The following TRMT2B variants were observed in gnomAD, a reference collection of about 807,000 sequenced individuals.
TRMT2B encodes the protein tRNA methyltransferase 2B, also known as tRNA (uracil-5-)-methyltransferase homolog B.
Under a neutral mutation model 39.7 loss-of-function variants are expected in TRMT2B, and 34 were observed. The observed-to-expected ratio is 0.86, with a 90% CI of 0.65 to 1.14. TRMT2B has a LOEUF of 1.14. Ranked by LOEUF, TRMT2B falls within the 50% of genes most tolerant of loss-of-function variation. The probability of loss-of-function intolerance (pLI) is 0.00; values close to 1 mark genes in which losing one functional copy is unlikely to be tolerated. For synonymous variants in TRMT2B, 132 were observed against 137.3 expected, an observed-to-expected ratio of 0.96 and a Z score of 0.27; for missense variants, 318 against 377.2, an observed-to-expected ratio of 0.84 and a Z score of 1.30.
At chrX:101,036,496 T>C (rs1307760286) in intron 6 of TRMT2B, among the ~76,000 whole-genome samples, 7 of 104,020 alleles carry the variant, frequency 6.7e-5, no homozygotes, top group African/African-American at 2.5e-4. Context: ...AAGGGATAAC[T>C]GAAAGTAAGT....
In TRMT2B at chrX:101,051,924, A is replaced by G. The variant is rs2089123500; in HGVS notation, c.-614T>C. On this transcript the variant is annotated 5_prime_UTR_variant, in exon 1 of 14. Transcript: ENST00000372936. ...TCTACTCCCGCCGCACGCGCAGCCA[A>G]CCCTTGGCAAGCGCGGCGGGACACG... 1 of 127,326 alleles carries G rather than the reference A, an allele frequency of 7.9e-6. No homozygotes were observed. The highest frequency in any genetic ancestry group is 9.5e-5 in the Admixed American group (1 of 10,569). The allele number at this position is 127,326 out of a possible 1,213,427, so 10.5% of individuals were successfully genotyped here.
chrX:101,010,544 G>A lies in TRMT2B; in HGVS notation c.*37C>T, dbSNP rs374018041. On this transcript the variant is annotated 3_prime_UTR_variant, in exon 14 of 14. Coordinates refer to ENST00000372936, the MANE Select transcript of TRMT2B (RefSeq NM_024917.6). ...AAACCTGAAAGTTTCTGAAACTTCA[G>A]CCTTAACAAATAGCCTGCTGTCTTC... is the stretch of plus-strand genomic sequence containing the variant. 3.0e-5 allele frequency: 36 copies of A among 1,203,719 alleles called. No individual in the cohort carries two copies. In the African/African-American group the frequency reaches 5.3e-4, roughly 18 times the overall value.
chrX:101,011,800 G>A (rs766071966), intron 13 of TRMT2B, among the ~76,000 whole-genome samples: 4 of 111,308 alleles, frequency 3.6e-5, no homozygotes, highest in Admixed American at 1.9e-4. Context: ...AGGCTGAGGC[G>A]GGAGGATGTC....
chrX:101,039,078 T>G (rs74333912), intron 4 of TRMT2B, among the ~76,000 whole-genome samples: 19,676 of 107,330 alleles, frequency 0.18, 1,426 homozygotes, highest in Non-Finnish European at 0.21. Context: ...TATTTTTTTG[T>G]TTTTTTTTGA....
chrX:101,022,801 T>TATAAAAAATAAAA (rs2086867644), intron 8 of TRMT2B, among the ~76,000 whole-genome samples: 1 of 110,644 alleles, frequency 9.0e-6, no homozygotes, highest in Non-Finnish European at 1.9e-5. Flanking sequence ...TGTCTCAAAA[T>TATAAAAAATAAAA]ATAAAAAATA....
rs967477903 is a variant in TRMT2B at position 101,011,139 on chromosome X, C to T, written c.1389-432G>A. Among the ~76,000 whole-genome samples the T allele has an allele frequency of 1.8e-5, 2 of 111,811 alleles. 1 individual carries two copies. Among genetic ancestry groups the T allele is most frequent in the South Asian group, 7.4e-4 (2 of 2,709 alleles). On this transcript the variant is annotated intron_variant, in intron 13 of 13. Coordinates refer to ENST00000372936, the MANE Select transcript of TRMT2B (RefSeq NM_024917.6). ...TTCAATACAGTCATGCATCACTTAA[C>T]GATGGGGGTACATTCTGAAAATTGC...
At chrX:101,036,444 C>CA (rs776144105) in intron 6 of TRMT2B, among the ~76,000 whole-genome samples, 281 of 21,371 alleles carry the variant, frequency 0.013, 5 homozygotes, top group Middle Eastern at 0.043. Flanking sequence ...GACTCCATCT[C>CA]AAAAAAAAAA....
chrX:100,987,376 C>T, the TRMT2B span: 1 of 1,208,347 alleles, frequency 8.3e-7, no homozygotes, highest in South Asian at 1.8e-5. Context: ...GCCTTCTCTT[C>T]TCTTTTGTCA....
the TRMT2B span, among the ~76,000 whole-genome samples, chrX:100,983,500 G>A: frequency 9.1e-6 from 1 of 110,070 alleles, no homozygotes; most frequent in Non-Finnish European, 1.9e-5. Context: ...AGGATTACAG[G>A]TGCCCGCCAC....
the TRMT2B span, among the ~76,000 whole-genome samples, chrX:100,981,232 G>T: frequency 8.9e-6 from 1 of 111,983 alleles, no homozygotes; most frequent in African/African-American, 3.2e-5. Flanking sequence ...GGGCTTGCTG[G>T]AACTCAGGTT....
intron 13 of TRMT2B, among the ~76,000 whole-genome samples, chrX:101,013,986 C>G (rs1404059773): frequency 5.4e-5 from 6 of 110,665 alleles, no homozygotes; most frequent in Non-Finnish European, 1.1e-4. Flanking sequence ...ACTTAGGAGG[C>G]TGAGGTGGAA....
intron 2 of TRMT2B, among the ~76,000 whole-genome samples, chrX:101,050,390 CAGA>C (rs1303320697): frequency 8.9e-6 from 1 of 112,500 alleles, no homozygotes; most frequent in African/African-American, 3.2e-5. Flanking sequence ...CATTTGTTCA[CAGA>C]AGAGACTATT....
chrX:100,988,457 G>A, the TRMT2B span: 3 of 1,194,117 alleles, frequency 2.5e-6, no homozygotes, highest in African/African-American at 5.3e-5. Context: ...GAAGGTGAAT[G>A]TTCTAGGAGA....
At chrX:101,044,677 G>A (rs1239549565) in intron 2 of TRMT2B, among the ~76,000 whole-genome samples, 2 of 109,725 alleles carry the variant, frequency 1.8e-5, no homozygotes, top group Admixed American at 9.9e-5. Context: ...CCGTCTCTAC[G>A]AAAAATACAA....
At position 101,051,865 on chromosome X, in the gene TRMT2B, G is replaced by A. The variant is rs111806229; in HGVS notation, c.-555C>T. 4 of 239,499 alleles carry A rather than the reference G, an allele frequency of 1.7e-5. No homozygotes were observed. Among genetic ancestry groups the A allele is most frequent in the African/African-American group, 8.9e-5 (3 of 33,637 alleles). 19.7% of individuals were successfully genotyped at this position (239,499 alleles called of 1,213,427 possible). A position where few individuals can be genotyped will look rare whatever the true frequency, so the allele number is the denominator to read the frequency against. On this transcript the variant is annotated 5_prime_UTR_variant, in exon 1 of 14. Transcript: ENST00000372936. ...AGCGGATGGCCTGGTTTGCTGCGGC[G>A]GGGAAACAGTCACTTCCTGGTGCGC...
At chrX:100,997,136 G>A in the TRMT2B span, among the ~76,000 whole-genome samples, 1 of 111,561 alleles carries the variant, frequency 9.0e-6, no homozygotes, top group African/African-American at 3.3e-5. Flanking sequence ...CTGGGTATCT[G>A]AGTGAGTAAA....
At chrX:100,995,834 C>T in the TRMT2B span, among the ~76,000 whole-genome samples, 1 of 112,303 alleles carries the variant, frequency 8.9e-6, no homozygotes, top group African/African-American at 3.2e-5. Flanking sequence ...TAGGAAAGAG[C>T]AGATATACAT....
the TRMT2B span, among the ~76,000 whole-genome samples, chrX:100,988,726 A>G: frequency 9.2e-6 from 1 of 108,637 alleles, no homozygotes; most frequent in Non-Finnish European, 1.9e-5. Flanking sequence ...ATCTTCTGGT[A>G]GTCCAGCATG....
chrX:101,032,007 G>T (rs1228576162), intron 7 of TRMT2B, among the ~76,000 whole-genome samples: 1 of 111,076 alleles, frequency 9.0e-6, no homozygotes, highest in Non-Finnish European at 1.9e-5. Context: ...GAAAATGAGG[G>T]AGAGGGGACC....
Sources: allele counts gnomAD v4.1 joint callset (sites outside exome capture counted in the v4.1 genomes callset), GRCh38; gene constraint gnomAD v4.1.1; transcripts MANE v1.5; gene names NCBI Gene and HGNC (gene_info 2026-07-23, HGNC 2026-07-21).